NAALAD2: variants seen among roughly 807,000 people sequenced by gnomAD.
NAALAD2 encodes the protein N-acetylated alpha-linked acidic dipeptidase 2, also known as N-acetylated-alpha-linked acidic dipeptidase 2.
A neutral mutation model predicts 95.6 loss-of-function variants in NAALAD2; 89 were observed. The observed-to-expected ratio is 0.93, with a 90% CI of 0.78 to 1.11. The LOEUF is 1.11. Ranked by LOEUF, NAALAD2 falls within the 50% of genes least tolerant of loss-of-function variation. The pLI is 0.00. For synonymous variants in NAALAD2, 264 were observed against 294.4 expected, an observed-to-expected ratio of 0.90 and a Z score of 1.06; for missense variants, 894 against 872.4, an observed-to-expected ratio of 1.02 and a Z score of -0.31.
Position 90,173,844 on chromosome 11 carries a change from G to A in NAALAD2, c.1431G>A (p.Gly477=). The A allele has an allele frequency of 1.9e-6, 3 of 1,613,102 alleles. No individual in the cohort carries two copies. The highest frequency in any genetic ancestry group is 2.5e-6 in the Non-Finnish European group (3 of 1,179,558). The change falls in exon 14 of 19, where the codon GGG becomes GGA. Residue 477 remains glycine, a synonymous_variant. Transcript: ENST00000534061. Reference sequence around the variant, plus strand: ...TCCAGATCCCCAGCCCTGATGATGGGTTTGAGAGTAAATCACTGTATGAAA... The same window carrying A: ...TCCAGATCCCCAGCCCTGATGATGGATTTGAGAGTAAATCACTGTATGAAA... ...LTKEIPSPDD[G]FESKSLYESW...
In NAALAD2 at chr11:90,175,952, G is replaced by GTGTGTGTGT. The variant is rs778950906; in HGVS notation, c.1503-20_1503-19insTGTGTGTGT. On this transcript the variant is annotated intron_variant, in intron 14 of 18. Transcript: ENST00000534061. ...TATGTGTGTGTGTGTGTGTGTGTGT[G>GTGTGTGTGT]GATTGCATTCTACATCTAGAATCAA... 720 of 1,435,530 alleles carry GTGTGTGTGT rather than the reference G, an allele frequency of 5.0e-4. No individual in the cohort carries two copies. Among genetic ancestry groups the GTGTGTGTGT allele is most frequent in the Non-Finnish European group, 6.3e-4 (644 of 1,018,504 alleles). The allele number at this position is 1,435,530 out of a possible 1,614,324, so 88.9% of individuals were successfully genotyped here. A position where few individuals can be genotyped will look rare whatever the true frequency, so the allele number is the denominator to read the frequency against.
At chr11:90,141,594 TTTTG>T (rs59701082) in intron 2 of NAALAD2, among the ~76,000 whole-genome samples, 1 of 151,094 alleles carries the variant, frequency 6.6e-6, no homozygotes, top group African/African-American at 2.4e-5. Flanking sequence ...TCTAAGAAGG[TTTTG>T]TTTGTTTGTT....
chr11:90,142,670 G>A (rs1194521372), intron 2 of NAALAD2, among the ~76,000 whole-genome samples: 1 of 151,964 alleles, frequency 6.6e-6, no homozygotes, highest in African/African-American at 2.4e-5. Context: ...ATCCACTCTG[G>A]TAACCTCTGC....
chr11:90,155,255 T>C lies in NAALAD2; in HGVS notation c.796+2771T>C, dbSNP rs1202469120. On this transcript the variant is annotated intron_variant, in intron 6 of 18. Coordinates refer to ENST00000534061, the MANE Select transcript of NAALAD2 (RefSeq NM_005467.4). ...GTGTATATATTATATACATGTATAA[T>C]ATATGTATATAGAATGTATATATTA... Among the ~76,000 whole-genome samples the C allele has an allele frequency of 9.6e-5, 12 of 125,528 alleles. No homozygotes were observed. In the East Asian group the frequency reaches 2.7e-3, roughly 29 times the overall value. The allele number at this position is 125,528 out of a possible 152,430, so 82.4% of individuals were successfully genotyped here.
intron 11 of NAALAD2, among the ~76,000 whole-genome samples, chr11:90,166,510 TGTAA>T (rs1952450766): frequency 6.6e-6 from 1 of 152,218 alleles, no homozygotes; most frequent in Admixed American, 6.5e-5. Flanking sequence ...CTTCAATGTA[TGTAA>T]GTGTCAATTG....
chr11:90,178,103 A>G lies in NAALAD2; in HGVS notation c.1844A>G (p.His615Arg), dbSNP rs1442061430. 1.2e-6 allele frequency: 2 copies of G among 1,609,266 alleles called. No homozygotes were observed. The highest frequency in any genetic ancestry group is 1.3e-5 in the African/African-American group (1 of 74,676). Residue 615 changes from histidine (H) to arginine (R), a missense_variant, in exon 16 of 19, where the codon CAT (histidine) becomes CGT (arginine). Physicochemically the swap from His to Arg is conservative, Grantham distance 29. Coordinates refer to ENST00000534061, the MANE Select transcript of NAALAD2 (RefSeq NM_005467.4). ...SKKHDQQLTDHGVSFDSLFSA... is the reference protein window; with the variant it reads ...SKKHDQQLTDRGVSFDSLFSA... ...AAACATGATCAACAATTGACAGACC[A>G]TGGAGTATCATTTGGTAAGAAATAG...
chr11:90,181,622 T>C lies in NAALAD2; in HGVS notation c.1861T>C (p.Ser621Pro). The change falls in exon 17 of 19, where the codon TCC (serine) becomes CCC (proline). Residue 621 changes from serine to proline, a missense_variant and splice_region_variant. Physicochemically the swap from Ser to Pro is moderately conservative, Grantham distance 74 (BLOSUM62 -1). Transcript: ENST00000534061. Reference protein sequence around the residue: ...QLTDHGVSFDSLFSAVKNFSE... With the variant: ...QLTDHGVSFDPLFSAVKNFSE... ...CTTCTTTTCTATTTTTAAAAAAGAC[T>C]CCTTATTTTCTGCTGTGAAAAACTT... 1 of 1,589,912 alleles carries C rather than the reference T, an allele frequency of 6.3e-7. No individual in the cohort carries two copies. The highest frequency in any genetic ancestry group is 8.6e-7 in the Non-Finnish European group (1 of 1,163,288).
rs780670153 is a variant in NAALAD2 at position 90,151,986 on chromosome 11, T to G, written c.610-312T>G. Among the ~76,000 whole-genome samples the G allele has an allele frequency of 2.0e-5, 3 of 152,176 alleles. No individual in the cohort carries two copies. The South Asian group carries it at 6.2e-4, about 31-fold the overall frequency. ...GATAGATATTTAATAGATGTTTTAA[T>G]ACATTAAGAGCTATCCTATAATATA... On this transcript the variant is annotated intron_variant, in intron 5 of 18. Coordinates refer to ENST00000534061, the MANE Select transcript of NAALAD2 (RefSeq NM_005467.4).
At chr11:90,160,491 A>C (rs1952263240) in intron 8 of NAALAD2, among the ~76,000 whole-genome samples, 1 of 152,190 alleles carries the variant, frequency 6.6e-6, no homozygotes, top group Non-Finnish European at 1.5e-5. Context: ...GATTTCTTGT[A>C]TTCCAGAAAT....
intron 8 of NAALAD2, among the ~76,000 whole-genome samples, chr11:90,159,973 A>C (rs1386990218): frequency 1.3e-5 from 2 of 151,560 alleles, no homozygotes; most frequent in South Asian, 2.1e-4. Context: ...AAAAAAAAAA[A>C]AAACTAGGTG....
intron 11 of NAALAD2, among the ~76,000 whole-genome samples, chr11:90,167,197 AGCG>A (rs2134934898): frequency 6.6e-6 from 1 of 152,112 alleles, no homozygotes; most frequent in Admixed American, 6.5e-5. Flanking sequence ...GGAGGGAAGG[AGCG>A]GGCGGGAACC....
At position 90,159,346 on chromosome 11, in the gene NAALAD2, G is replaced by C; in HGVS notation, c.989+9G>C. 1 of 1,596,692 alleles carries C rather than the reference G, an allele frequency of 6.3e-7. No homozygotes were observed. Among genetic ancestry groups the C allele is most frequent in the Non-Finnish European group, 8.6e-7 (1 of 1,164,922 alleles). Reference sequence around the variant, plus strand: ...GGGAGTGATTCTTTCAGGTAATTTTGCATTACTTTAATAGTCTGAAAAAGT... The same window carrying C: ...GGGAGTGATTCTTTCAGGTAATTTTCCATTACTTTAATAGTCTGAAAAAGT... On this transcript the variant is annotated intron_variant, in intron 8 of 18. Transcript: ENST00000534061.
At chr11:90,149,398 C>A (rs1283353892) in intron 4 of NAALAD2, among the ~76,000 whole-genome samples, 1 of 152,084 alleles carries the variant, frequency 6.6e-6, no homozygotes, top group Non-Finnish European at 1.5e-5. Flanking sequence ...TTCAGTGAGG[C>A]AGTAGGTGTT....
At chr11:90,169,533 GA>G (rs377719434) in intron 12 of NAALAD2, 1 of 152,298 alleles carries the variant, frequency 6.6e-6, no homozygotes, top group African/African-American at 2.4e-5. Flanking sequence ...AAAAGAAAAA[GA>G]AAAAAACTGA....
chr11:90,136,397 T>C (rs957540826), intron 2 of NAALAD2, among the ~76,000 whole-genome samples: 2 of 152,192 alleles, frequency 1.3e-5, no homozygotes, highest in African/African-American at 4.8e-5. Context: ...TCCTCCATCA[T>C]GCTACAAAAA....
intron 14 of NAALAD2, 36 bp from the exon 15 acceptor site, chr11:90,175,936 G>GTGTGTC: frequency 8.2e-7 from 1 of 1,222,958 alleles, no homozygotes; most frequent in Non-Finnish European, 1.2e-6. Flanking sequence ...TTATGTGTGT[G>GTGTGTC]TGTGTGTGTG....
At chr11:90,153,325 T>A (rs930793158) in intron 6 of NAALAD2, among the ~76,000 whole-genome samples, 5 of 152,196 alleles carry the variant, frequency 3.3e-5, no homozygotes, top group Non-Finnish European at 7.3e-5. Context: ...AATGCCTGAA[T>A]ATTATGGTTA....
At chr11:90,161,285 A>T (rs1228297510) in intron 8 of NAALAD2, among the ~76,000 whole-genome samples, 1 of 151,736 alleles carries the variant, frequency 6.6e-6, no homozygotes, top group Non-Finnish European at 1.5e-5. Flanking sequence ...AGTGGATTTG[A>T]ATTATTTGCA....
At position 90,163,556 on chromosome 11, in the gene NAALAD2, T is replaced by C. The variant is rs1952355983; in HGVS notation, c.1217T>C (p.Ile406Thr). The C allele has an allele frequency of 6.2e-7, 1 of 1,613,972 alleles. No homozygotes were observed. Among genetic ancestry groups the C allele is most frequent in the Non-Finnish European group, 8.5e-7 (1 of 1,179,972 alleles). ...MSKGWRPRRT[I>T]IFASWDAEEF... ...ACAGGCTGGAGACCTAGAAGAACTA[T>C]CATTTTTGCCAGCTGGGATGCAGAA... Residue 406 changes from isoleucine (I) to threonine (T), a missense_variant, in exon 11 of 19, where the codon ATC (isoleucine) becomes ACC (threonine). Physicochemically the swap from Ile to Thr is moderately conservative, Grantham distance 89. Coordinates refer to ENST00000534061, the MANE Select transcript of NAALAD2 (RefSeq NM_005467.4).
Sources: allele counts gnomAD v4.1 joint callset (sites outside exome capture counted in the v4.1 genomes callset), GRCh38; gene constraint gnomAD v4.1.1; transcripts MANE v1.5; gene names NCBI Gene and HGNC (gene_info 2026-07-23, HGNC 2026-07-21).